Variants in IL21R observed in about 807,000 individuals in gnomAD.
IL21R encodes the protein interleukin 21 receptor.
A neutral mutation model predicts 41.3 loss-of-function variants in IL21R; 14 were observed. The ratio of observed to expected loss-of-function variants is 0.34; its 90% confidence interval spans 0.22 to 0.53. The LOEUF (loss-of-function observed/expected upper bound fraction) is 0.53. Ranked by LOEUF, IL21R falls within the 20% of genes least tolerant of loss-of-function variation. The probability of loss-of-function intolerance (pLI) is 0.94; values close to 1 mark genes in which losing one functional copy is unlikely to be tolerated. For missense variants in IL21R, 588 were observed against 681.6 expected (o/e 0.86, Z 1.53); for synonymous variants, 286 against 287.6 (o/e 0.99, Z 0.05).
chr16:27,433,295 T>C (rs2087207160), intron 2 of IL21R, among the ~76,000 whole-genome samples: 1 of 152,122 alleles, frequency 6.6e-6, no homozygotes, highest in African/African-American at 2.4e-5. Flanking sequence ...GGTGAAACCC[T>C]GTCTCTACAA....
At chr16:27,436,771 A>C (rs550753135) in intron 3 of IL21R, among the ~76,000 whole-genome samples, 1 of 152,182 alleles carries the variant, frequency 6.6e-6, no homozygotes, top group South Asian at 2.1e-4. Flanking sequence ...GGCTATTATT[A>C]GATATTCAGT....
chr16:27,435,073 G>C (rs1206573028), intron 3 of IL21R, among the ~76,000 whole-genome samples: 1 of 152,044 alleles, frequency 6.6e-6, no homozygotes, highest in Non-Finnish European at 1.5e-5. Flanking sequence ...GACCAGCCTG[G>C]GCAACATCAC....
chr16:27,406,798 G>A (rs1048427381), intron 1 of IL21R, among the ~76,000 whole-genome samples: 1 of 152,176 alleles, frequency 6.6e-6, no homozygotes, highest in African/African-American at 2.4e-5. Context: ...CCATTCCACA[G>A]ATGAGGAAAG....
chr16:27,406,819 A>T (rs1273631057), intron 1 of IL21R, among the ~76,000 whole-genome samples: 1 of 152,196 alleles, frequency 6.6e-6, no homozygotes, highest in African/African-American at 2.4e-5. Context: ...CTGAGGCTCA[A>T]AGAAAGGCAG....
chr16:27,431,274 A>G (rs1375202075), intron 2 of IL21R, among the ~76,000 whole-genome samples: 1 of 152,186 alleles, frequency 6.6e-6, no homozygotes, highest in Non-Finnish European at 1.5e-5. Context: ...TGGTTCTAAA[A>G]AGCCTTTGGG....
intron 4 of IL21R, among the ~76,000 whole-genome samples, chr16:27,442,179 G>A (rs1169827382): frequency 6.6e-6 from 1 of 152,084 alleles, no homozygotes; most frequent in Non-Finnish European, 1.5e-5. Flanking sequence ...GTGTGCATGT[G>A]TGTTGCATGT....
At chr16:27,412,141 A>C (rs2086832309) in intron 1 of IL21R, among the ~76,000 whole-genome samples, 1 of 152,214 alleles carries the variant, frequency 6.6e-6, no homozygotes, top group South Asian at 2.1e-4. Flanking sequence ...ATCCAACATC[A>C]TTCTTTTGCA....
At chr16:27,439,610 C>T (rs62032076) in intron 4 of IL21R, among the ~76,000 whole-genome samples, 4 of 146,984 alleles carry the variant, frequency 2.7e-5, no homozygotes, top group Non-Finnish European at 5.9e-5. Flanking sequence ...TTCTCACACA[C>T]GTGTACACTC....
chr16:27,417,167 T>TC (rs893968405), intron 1 of IL21R, among the ~76,000 whole-genome samples: 1 of 147,348 alleles, frequency 6.8e-6, no homozygotes, highest in East Asian at 2.0e-4. Flanking sequence ...TCTTTTCTTT[T>TC]TTTTTTTTTT....
chr16:27,415,765 T>C (rs1403437404), intron 1 of IL21R, among the ~76,000 whole-genome samples: 1 of 152,198 alleles, frequency 6.6e-6, no homozygotes, highest in Admixed American at 6.5e-5. Context: ...TCTTTAACGA[T>C]CACCCATTTT....
intron 4 of IL21R, among the ~76,000 whole-genome samples, chr16:27,440,965 C>A (rs987952072): frequency 6.8e-6 from 1 of 148,002 alleles, no homozygotes; most frequent in African/African-American, 2.5e-5. Context: ...GCCGTGTAAT[C>A]GCTTGGGCTT....
chr16:27,412,933 TCTTC>T (rs1380708255), intron 1 of IL21R, among the ~76,000 whole-genome samples: 2 of 152,186 alleles, frequency 1.3e-5, no homozygotes, highest in Non-Finnish European at 2.9e-5. Context: ...TAATTGCATT[TCTTC>T]CTTTCCAATT....
intron 1 of IL21R, among the ~76,000 whole-genome samples, chr16:27,404,196 C>T (rs1031980821): frequency 1.3e-5 from 2 of 152,128 alleles, no homozygotes; most frequent in East Asian, 1.9e-4. Context: ...CTGTCCTGCC[C>T]GCTCCTCTGC....
chr16:27,403,079 G>C (rs1190029812), intron 1 of IL21R: 1 of 528,568 alleles, frequency 1.9e-6, no homozygotes, highest in Non-Finnish European at 3.6e-6. Context: ...CCATTTCGCA[G>C]ATGAGGCAAT....
Position 27,446,011 on chromosome 16 carries a change from T to G in IL21R, c.790T>G (p.Trp264Gly). The change falls in exon 8 of 9, where the codon TGG (tryptophan) becomes GGG (glycine). Residue 264 changes from tryptophan (W) to glycine (G), a missense_variant. By Grantham distance (184) the Trp-to-Gly change is radical. Transcript: ENST00000337929. ...CACCCCTCTCTGCCCCCTCAGGCTA[T>G]GGAAGAAGATATGGGCCGTCCCCAG... is the stretch of plus-strand genomic sequence containing the variant. ...SLKTHPLWRL[W>G]KKIWAVPSPE... 1.9e-6 allele frequency: 3 copies of G among 1,612,484 alleles called. No homozygotes were observed. The highest frequency in any genetic ancestry group is 2.5e-6 in the Non-Finnish European group (3 of 1,179,190).
chr16:27,403,889 A>G (rs1006687935), intron 1 of IL21R, among the ~76,000 whole-genome samples: 10 of 152,284 alleles, frequency 6.6e-5, no homozygotes, highest in African/African-American at 2.4e-4. Context: ...TCAACAGGTG[A>G]AGCGGGCAGC....
rs779451446 is a variant in IL21R at position 27,446,015 on chromosome 16, A to G, written c.794A>G (p.Lys265Arg). ...LKTHPLWRLWKKIWAVPSPER... is the reference protein window; with the variant it reads ...LKTHPLWRLWRKIWAVPSPER... ...CCTCTCTGCCCCCTCAGGCTATGGA[A>G]GAAGATATGGGCCGTCCCCAGCCCT... Residue 265 changes from lysine (K) to arginine (R), a missense_variant, in exon 8 of 9, where the codon AAG (lysine) becomes AGG (arginine). Coordinates refer to ENST00000337929, the MANE Select transcript of IL21R (RefSeq NM_181078.3). 2 of 1,612,546 alleles carry G rather than the reference A, an allele frequency of 1.2e-6. No individual in the cohort carries two copies. The highest frequency in any genetic ancestry group is 1.7e-6 in the Non-Finnish European group (2 of 1,179,258).
At chr16:27,431,850 GC>G (rs2087178118) in intron 2 of IL21R, among the ~76,000 whole-genome samples, 1 of 152,094 alleles carries the variant, frequency 6.6e-6, no homozygotes, top group South Asian at 2.1e-4. Flanking sequence ...CACCATGTTG[GC>G]CAGGATGGTC....
rs185839381 is a variant in IL21R at position 27,430,834 on chromosome 16, A to G, written c.49+714A>G. Among the ~76,000 whole-genome samples, 7 of 152,314 alleles carry G rather than the reference A, an allele frequency of 4.6e-5. No individual in the cohort carries two copies. The East Asian group carries it at 1.3e-3, about 29-fold the overall frequency. On this transcript the variant is annotated intron_variant, in intron 2 of 8. Coordinates refer to ENST00000337929, the MANE Select transcript of IL21R (RefSeq NM_181078.3). Reference sequence around the variant, plus strand: ...TCTCAAAACAACAGCAACAACAACAACAATAAACAAACAAAAAAATCGCTA... The same window carrying G: ...TCTCAAAACAACAGCAACAACAACAGCAATAAACAAACAAAAAAATCGCTA...
Sources: allele counts gnomAD v4.1 joint callset (sites outside exome capture counted in the v4.1 genomes callset), GRCh38; gene constraint gnomAD v4.1.1; transcripts MANE v1.5; gene names NCBI Gene and HGNC (gene_info 2026-07-23, HGNC 2026-07-21).